The following SAMD12 variants were observed in gnomAD, a reference collection of about 807,000 sequenced individuals.
SAMD12 encodes sterile alpha motif domain-containing protein 12.
A neutral mutation model predicts 15.0 loss-of-function variants in SAMD12; 9 were observed. The observed-to-expected ratio is 0.60, with a 90% CI of 0.36 to 1.05. The LOEUF (loss-of-function observed/expected upper bound fraction) is 1.05, where lower values mean the gene tolerates loss of function less well. Ranked by LOEUF, SAMD12 falls within the 50% of genes least tolerant of loss-of-function variation. The pLI, the probability that SAMD12 is intolerant of heterozygous loss-of-function variation, is 0.01. For synonymous variants in SAMD12, 86 were observed against 90.1 expected, an observed-to-expected ratio of 0.96 and a Z score of 0.25; for missense variants, 230 against 234.2, an observed-to-expected ratio of 0.98 and a Z score of 0.12.
intron 4 of SAMD12, among the ~76,000 whole-genome samples, chr8:118,224,728 G>A (rs1812152566): frequency 6.6e-6 from 1 of 152,178 alleles, no homozygotes; most frequent in Non-Finnish European, 1.5e-5. Flanking sequence ...TAAAGCACCT[G>A]AACAATAATC....
At chr8:118,180,478 C>T in the SAMD12 span, among the ~76,000 whole-genome samples, 2 of 152,134 alleles carry the variant, frequency 1.3e-5, no homozygotes, top group Non-Finnish European at 2.9e-5. Context: ...TGCAGTTAGG[C>T]AGAGAAATGT....
chr8:118,416,170 T>C (rs1235778403), intron 3 of SAMD12, among the ~76,000 whole-genome samples: 1 of 152,184 alleles, frequency 6.6e-6, no homozygotes, highest in Non-Finnish European at 1.5e-5. Context: ...TTGCAGTATA[T>C]ACCACCCATC....
intron 4 of SAMD12, among the ~76,000 whole-genome samples, chr8:118,329,319 T>TTTGTATTA (rs1179228803): frequency 1.3e-5 from 2 of 152,154 alleles, no homozygotes; most frequent in Non-Finnish European, 2.9e-5. Context: ...TTTTAGGTTT[T>TTTGTATTA]TTGTATTATA....
At chr8:118,321,444 T>A (rs2130454628) in intron 4 of SAMD12, among the ~76,000 whole-genome samples, 1 of 151,708 alleles carries the variant, frequency 6.6e-6, no homozygotes, top group Admixed American at 6.6e-5. Context: ...TGAAACCCCG[T>A]CTCTCCTAAA....
intron 1 of SAMD12, among the ~76,000 whole-genome samples, chr8:118,607,738 T>C (rs1828018221): frequency 6.6e-6 from 1 of 152,228 alleles, no homozygotes; most frequent in Non-Finnish European, 1.5e-5. Flanking sequence ...GCCTATCATG[T>C]ACTACAGGAA....
intron 1 of SAMD12, among the ~76,000 whole-genome samples, chr8:118,605,765 AATATATATATATATATATATAT>A (rs55785102): frequency 7.1e-5 from 9 of 127,604 alleles, no homozygotes; most frequent in African/African-American, 8.7e-5. Flanking sequence ...AACCCATCAC[AATATATATATATATATATATAT>A]ATATATATAT....
intron 2 of SAMD12, among the ~76,000 whole-genome samples, chr8:118,564,097 T>C (rs895602375): frequency 6.6e-6 from 1 of 152,202 alleles, no homozygotes; most frequent in Non-Finnish European, 1.5e-5. Flanking sequence ...GTGTAAATGG[T>C]AAGCCACATA....
chr8:118,544,568 C>A (rs1003889079), intron 2 of SAMD12, among the ~76,000 whole-genome samples: 1 of 152,128 alleles, frequency 6.6e-6, no homozygotes, highest in Non-Finnish European at 1.5e-5. Context: ...GGGATTTCAC[C>A]CCAGGTCACA....
chr8:118,608,677 T>C (rs1386535352), intron 1 of SAMD12, among the ~76,000 whole-genome samples: 1 of 152,058 alleles, frequency 6.6e-6, no homozygotes, highest in Non-Finnish European at 1.5e-5. Flanking sequence ...CTAATTTTTG[T>C]ATTTTTAGTA....
At chr8:118,368,670 G>C (rs754897398) in intron 4 of SAMD12, among the ~76,000 whole-genome samples, 3 of 152,186 alleles carry the variant, frequency 2.0e-5, no homozygotes, top group African/African-American at 4.8e-5. Flanking sequence ...CATGAAAATT[G>C]ATATTGCATT....
At chr8:118,240,423 A>T (rs1812538372) in intron 4 of SAMD12, among the ~76,000 whole-genome samples, 1 of 152,178 alleles carries the variant, frequency 6.6e-6, no homozygotes, top group Non-Finnish European at 1.5e-5. Context: ...GAATACAGAA[A>T]TTCATTTTTG....
chr8:118,347,249 T>A (rs1277369401), intron 4 of SAMD12, among the ~76,000 whole-genome samples: 2 of 152,186 alleles, frequency 1.3e-5, no homozygotes, highest in Admixed American at 6.5e-5. Context: ...AGGTTTTTAG[T>A]GGGGATCCTT....
At chr8:118,464,345 T>G (rs1163645710) in intron 2 of SAMD12, among the ~76,000 whole-genome samples, 1 of 152,140 alleles carries the variant, frequency 6.6e-6, no homozygotes, top group Non-Finnish European at 1.5e-5. Flanking sequence ...AGTGACTCTA[T>G]TTCCACTCGC....
At chr8:118,357,082 T>C (rs916371129) in intron 4 of SAMD12, among the ~76,000 whole-genome samples, 1 of 152,192 alleles carries the variant, frequency 6.6e-6, no homozygotes, top group Admixed American at 6.5e-5. Flanking sequence ...CTTTTGAAAA[T>C]GTAAATGGGA....
chr8:118,440,263 C>A (rs768519859), intron 2 of SAMD12, among the ~76,000 whole-genome samples: 9 of 152,136 alleles, frequency 5.9e-5, no homozygotes, highest in Non-Finnish European at 1.0e-4. Flanking sequence ...GGTTGCTAAG[C>A]AATTAATTAC....
intron 3 of SAMD12, among the ~76,000 whole-genome samples, chr8:118,380,102 CACTT>C (rs1819596830): frequency 6.6e-6 from 1 of 152,196 alleles, no homozygotes; most frequent in South Asian, 2.1e-4. Context: ...ACTGACAACT[CACTT>C]ACAACCCAGC....
chr8:118,347,907 G>C (rs1817748354), intron 4 of SAMD12, among the ~76,000 whole-genome samples: 1 of 152,142 alleles, frequency 6.6e-6, no homozygotes, highest in Admixed American at 6.5e-5. Flanking sequence ...ACAGTCAGGG[G>C]TTAACATTGC....
downstream of SAMD12, among the ~76,000 whole-genome samples, chr8:118,374,305 G>A (rs575740278): frequency 6.6e-6 from 1 of 152,088 alleles, no homozygotes; most frequent in South Asian, 2.1e-4. Flanking sequence ...TGCAGCATGT[G>A]GTCGGATTTC....
chr8:118,221,759 T>C (rs975113296), intron 4 of SAMD12, among the ~76,000 whole-genome samples: 1 of 152,244 alleles, frequency 6.6e-6, no homozygotes, highest in Non-Finnish European at 1.5e-5. Flanking sequence ...TCTTGCTCCA[T>C]ACTGGTTCTG....
Sources: gnomAD v4.1 joint callset for allele counts (sites outside exome capture counted in the v4.1 genomes callset) on GRCh38, gnomAD v4.1.1 for gene constraint, MANE v1.5 for transcripts, NCBI Gene and HGNC (gene_info 2026-07-23, HGNC 2026-07-21) for gene names.